NKAIN3: variants seen among roughly 807,000 people sequenced by gnomAD.
NKAIN3 encodes the protein sodium/potassium transporting ATPase interacting 3.
In NKAIN3, 25 loss-of-function variants were observed where a neutral mutation model predicts 30.2. That is an observed-to-expected ratio of 0.83 (90% CI 0.60 to 1.16). The LOEUF (loss-of-function observed/expected upper bound fraction) is 1.16. Ranked by LOEUF, NKAIN3 falls within the 50% of genes most tolerant of loss-of-function variation. The pLI is 0.00. For synonymous variants in NKAIN3, 91 were observed against 89.6 expected (o/e 1.02, Z -0.09); for missense variants, 225 against 254.1 (o/e 0.89, Z 0.78).
chr8:62,397,359 T>TTTAAA (rs71255331), intron 1 of NKAIN3, among the ~76,000 whole-genome samples: 64,290 of 151,588 alleles, frequency 0.42, 15,602 homozygotes, highest in Non-Finnish European at 0.54. Context: ...GTTTATTTTG[T>TTTAAA]TTAAAGGATT....
In NKAIN3 at chr8:62,281,171, T is replaced by C. The variant is rs1421033724; in HGVS notation, c.54+32044T>C. ...TCTAGTGTATTTGCATACAGGTGTT[T>C]ATAGTATTCTCTGATGGTTTTTGTA... On this transcript the variant is annotated intron_variant, in intron 1 of 6. Transcript: ENST00000623646. Among the ~76,000 whole-genome samples the C allele has an allele frequency of 2.0e-5, 3 of 152,298 alleles. No individual in the cohort carries two copies. The East Asian group carries it at 5.8e-4, about 29-fold the overall frequency.
At chr8:62,707,178 G>A (rs1197263983) in intron 3 of NKAIN3, among the ~76,000 whole-genome samples, 1 of 152,018 alleles carries the variant, frequency 6.6e-6, no homozygotes, top group African/African-American at 2.4e-5. Context: ...GAATTGTGCT[G>A]CTATAAATAG....
chr8:62,527,230 A>G (rs1452083771), intron 1 of NKAIN3, among the ~76,000 whole-genome samples: 5 of 152,206 alleles, frequency 3.3e-5, no homozygotes, highest in Non-Finnish European at 5.9e-5. Context: ...TTTCAGTCAA[A>G]TAACTGGCCC....
chr8:62,334,279 T>C (rs138628510), intron 1 of NKAIN3, among the ~76,000 whole-genome samples: 102 of 152,234 alleles, frequency 6.7e-4, no homozygotes, highest in African/African-American at 2.4e-3. Context: ...AGAATCAAGA[T>C]GTCGGCAGAG....
chr8:62,972,541 G>A lies in NKAIN3; in HGVS notation c.*7134G>A, dbSNP rs10504361. Among the ~76,000 whole-genome samples, 16,271 of 151,924 alleles carry A rather than the reference G, an allele frequency of 0.11. 922 individuals carry two copies. The highest frequency in any genetic ancestry group is 0.17 in the South Asian group (818 of 4,812). ...TTTTGTCTCTCTCTGAATCAAGTTC[G>A]TCGTCTATTTACGTGCTTCTCAGTT... On this transcript the variant is annotated 3_prime_UTR_variant, in exon 7 of 7. Transcript: ENST00000623646.
In NKAIN3 at chr8:62,857,533, T is replaced by G. The variant is rs963904861; in HGVS notation, c.472-60920T>G. Among the ~76,000 whole-genome samples, 4 of 152,218 alleles carry G rather than the reference T, an allele frequency of 2.6e-5. No individual in the cohort carries two copies. The East Asian group carries it at 7.7e-4, about 29-fold the overall frequency. On this transcript the variant is annotated intron_variant, in intron 4 of 6. Coordinates refer to ENST00000623646, the MANE Select transcript of NKAIN3 (RefSeq NM_001304533.3). ...ACATAATCACATAGTTCTTGGAGGT[T>G]TTGTTCATTCCTTTACATTCTTTTT...
chr8:62,751,337 C>T (rs1816277209), intron 4 of NKAIN3, among the ~76,000 whole-genome samples: 2 of 152,130 alleles, frequency 1.3e-5, no homozygotes, highest in Non-Finnish European at 2.9e-5. Flanking sequence ...ATACTTGGTT[C>T]GAAAACATAC....
intron 1 of NKAIN3, among the ~76,000 whole-genome samples, chr8:62,300,070 A>ATCGATCT (rs1176485257): frequency 6.6e-5 from 10 of 152,082 alleles, no homozygotes; most frequent in Admixed American, 2.0e-4. Flanking sequence ...CACGTCCTAT[A>ATCGATCT]GTAGCTGTAA....
At chr8:62,737,102 C>G (rs1815698869) in intron 3 of NKAIN3, among the ~76,000 whole-genome samples, 1 of 152,160 alleles carries the variant, frequency 6.6e-6, no homozygotes, top group Non-Finnish European at 1.5e-5. Context: ...TGTGGATTCT[C>G]TTGGCTTTTT....
chr8:62,753,095 G>A (rs1198578577), intron 4 of NKAIN3, among the ~76,000 whole-genome samples: 1 of 151,982 alleles, frequency 6.6e-6, no homozygotes, highest in Non-Finnish European at 1.5e-5. Flanking sequence ...TTTCAAAACA[G>A]TTTCTGGTGA....
At chr8:62,765,490 C>T (rs976976760) in intron 4 of NKAIN3, among the ~76,000 whole-genome samples, 23 of 152,130 alleles carry the variant, frequency 1.5e-4, no homozygotes, top group African/African-American at 5.6e-4. Context: ...TAGAAAGGTG[C>T]TCTTTCTTGA....
intron 1 of NKAIN3, among the ~76,000 whole-genome samples, chr8:62,480,941 G>A (rs7000955): frequency 0.36 from 54,309 of 151,868 alleles, 10,497 homozygotes; most frequent in South Asian, 0.45. Flanking sequence ...CACCCTGACC[G>A]GGAAGTAACT....
At chr8:62,667,362 T>C (rs1488230697) in intron 3 of NKAIN3, among the ~76,000 whole-genome samples, 1 of 47,568 alleles carries the variant, frequency 2.1e-5, no homozygotes, top group African/African-American at 2.5e-4. Context: ...TATATATCTG[T>C]ATATATATAT....
intron 4 of NKAIN3, among the ~76,000 whole-genome samples, chr8:62,750,569 C>CG (rs1816243799): frequency 1.3e-5 from 2 of 152,104 alleles, no homozygotes; most frequent in African/African-American, 4.8e-5. Context: ...CAGCTTCTGC[C>CG]GGCGCCTCTG....
At position 62,310,392 on chromosome 8, in the gene NKAIN3, G is replaced by T. The variant is rs115247588; in HGVS notation, c.54+61265G>T. ...GACAGGAAAGGTAACTGTGTTTAAA[G>T]TCTTACAAAGCAAATTGCAAATATT... is the stretch of plus-strand genomic sequence containing the variant. On this transcript the variant is annotated intron_variant, in intron 1 of 6. Transcript: ENST00000623646. Among the ~76,000 whole-genome samples, 1,440 of 150,586 alleles carry T rather than the reference G, an allele frequency of 9.6e-3. 137 individuals are homozygous for T. The highest frequency in any genetic ancestry group is 0.034 in the African/African-American group (1,365 of 39,970).
intron 2 of NKAIN3, among the ~76,000 whole-genome samples, chr8:62,584,195 GT>G (rs1459005689): frequency 1.3e-5 from 2 of 152,130 alleles, no homozygotes; most frequent in African/African-American, 4.8e-5. Flanking sequence ...TCTATTTTTA[GT>G]ATTGTCTTCC....
chr8:62,280,631 A>G (rs890202776), intron 1 of NKAIN3, among the ~76,000 whole-genome samples: 1 of 152,190 alleles, frequency 6.6e-6, no homozygotes, highest in Non-Finnish European at 1.5e-5. Flanking sequence ...TATTGAGATA[A>G]TCATGTGATT....
intron 4 of NKAIN3, among the ~76,000 whole-genome samples, chr8:62,785,792 C>G (rs553756955): frequency 1.3e-5 from 2 of 152,184 alleles, no homozygotes; most frequent in South Asian, 4.2e-4. Flanking sequence ...CCTCTATTTT[C>G]TTTTTCAGTT....
At chr8:62,999,070 C>A (rs4739039) in intron 5 of NKAIN3, among the ~76,000 whole-genome samples, 29,582 of 151,966 alleles carry the variant, frequency 0.19, 2,975 homozygotes, top group East Asian at 0.41. Flanking sequence ...TGGGTTATTG[C>A]TTTTCTTGTT....
Sources: allele counts gnomAD v4.1 joint callset (sites outside exome capture counted in the v4.1 genomes callset), GRCh38; gene constraint gnomAD v4.1.1; transcripts MANE v1.5; gene names NCBI Gene and HGNC (gene_info 2026-07-23, HGNC 2026-07-21).